NUMB: variants seen among roughly 807,000 people sequenced by gnomAD.
NUMB encodes the protein NUMB endocytic adaptor protein.
A neutral mutation model predicts 59.7 loss-of-function variants in NUMB; 29 were observed. The ratio of observed to expected loss-of-function variants is 0.49; its 90% CI spans 0.36 to 0.66. NUMB has a LOEUF of 0.66. NUMB is among the 30% of genes least tolerant of loss of function. The pLI is 0.00. For missense variants in NUMB, 723 were observed against 822.0 expected (o/e 0.88, Z 1.47); for synonymous variants, 288 against 288.2 (o/e 1.00, Z 0.01).
intron 6 of NUMB, among the ~76,000 whole-genome samples, chr14:73,314,075 A>G (rs746691273): frequency 1.3e-5 from 2 of 152,238 alleles, no homozygotes; most frequent in Non-Finnish European, 2.9e-5. Flanking sequence ...ACTAATAAAA[A>G]GTAATTGATT....
At chr14:73,431,612 G>A (rs1472213729) in intron 1 of NUMB, among the ~76,000 whole-genome samples, 1 of 151,886 alleles carries the variant, frequency 6.6e-6, no homozygotes, top group East Asian at 2.0e-4. Context: ...AGGCGGGCAT[G>A]GTGGCATGTG....
intron 1 of NUMB, among the ~76,000 whole-genome samples, chr14:73,448,484 C>A (rs200126080): frequency 2.6e-5 from 4 of 152,130 alleles, no homozygotes; most frequent in East Asian, 3.8e-4. Flanking sequence ...AGCCACCACA[C>A]CAGGCCAGAT....
chr14:73,352,459 T>TACACAC (rs60134093), intron 4 of NUMB, among the ~76,000 whole-genome samples: 403 of 19,418 alleles, frequency 0.021, 26 homozygotes, highest in Non-Finnish European at 0.028. Context: ...CACACACACA[T>TACACAC]ACACACACAC....
chr14:73,350,227 G>A (rs987883063), intron 4 of NUMB, among the ~76,000 whole-genome samples: 2 of 146,062 alleles, frequency 1.4e-5, no homozygotes, highest in African/African-American at 2.6e-5. Flanking sequence ...AGGCTGGGGT[G>A]CAGTGGCGTG....
At chr14:73,317,938 T>C (rs1891176613) in intron 5 of NUMB, among the ~76,000 whole-genome samples, 1 of 152,238 alleles carries the variant, frequency 6.6e-6, no homozygotes, top group African/African-American at 2.4e-5. Context: ...ATTCATAAAC[T>C]ATTCAGTGCT....
At chr14:73,365,357 T>C (rs1441109159) in intron 3 of NUMB, among the ~76,000 whole-genome samples, 1 of 152,012 alleles carries the variant, frequency 6.6e-6, no homozygotes, top group East Asian at 1.9e-4. Context: ...TTTTTCTTTA[T>C]GGAAAAAAGA....
intron 3 of NUMB, among the ~76,000 whole-genome samples, chr14:73,365,054 T>A (rs1894273472): frequency 1.3e-5 from 2 of 152,160 alleles, no homozygotes; most frequent in South Asian, 4.1e-4. Flanking sequence ...CTCTTCTTTT[T>A]TCTTTAAGAC....
chr14:73,429,392 C>A (rs568782245), intron 1 of NUMB, among the ~76,000 whole-genome samples: 11 of 152,054 alleles, frequency 7.2e-5, no homozygotes, highest in African/African-American at 2.7e-4. Flanking sequence ...AATAAATTTT[C>A]TTTCCCTATA....
intron 2 of NUMB, chr14:73,409,645 G>A (rs932722985): frequency 6.6e-6 from 1 of 152,156 alleles, no homozygotes. Flanking sequence ...GAGGTACTTT[G>A]TTACACAGCA....
intron 8 of NUMB, among the ~76,000 whole-genome samples, chr14:73,290,510 A>G (rs2139825706): frequency 6.6e-6 from 1 of 152,372 alleles, no homozygotes; most frequent in Middle Eastern, 3.4e-3. Flanking sequence ...TCAGAGCCTG[A>G]GCTCTTAGCA....
At chr14:73,290,007 C>G (rs1307450528) in intron 8 of NUMB, among the ~76,000 whole-genome samples, 1 of 152,196 alleles carries the variant, frequency 6.6e-6, no homozygotes, top group African/African-American at 2.4e-5. Context: ...ATGAAAAACG[C>G]TGGAGATGGG....
intron 7 of NUMB, among the ~76,000 whole-genome samples, chr14:73,294,734 G>A (rs1006956656): frequency 6.8e-6 from 1 of 147,436 alleles, no homozygotes; most frequent in Non-Finnish European, 1.5e-5. Context: ...GGCCAGGATG[G>A]TCTCAAACTA....
chr14:73,417,130 C>G (rs970277598), intron 1 of NUMB, among the ~76,000 whole-genome samples: 5 of 151,954 alleles, frequency 3.3e-5, no homozygotes, highest in Admixed American at 6.6e-5. Context: ...GCTTCCCCAT[C>G]ATCCTGCTGA....
At chr14:73,372,305 TTATA>T (rs3028704) in intron 2 of NUMB, among the ~76,000 whole-genome samples, 2,059 of 85,948 alleles carry the variant, frequency 0.024, 58 homozygotes, top group Admixed American at 0.063. Context: ...TATATTTCTT[TTATA>T]TATATATATA....
Position 73,372,307 on chromosome 14 carries a change from A to ATATATATATATATATATATATTTCTTT in NUMB, c.-100-5327_-100-5326insAAAGAAATATATATATATATATATATA, listed in dbSNP as rs1566766384. ...GTTGGAATATATATATATTTCTTTT[A>ATATATATATATATATATATATTTCTTT]TATATATATATATATATATATATAT... On this transcript the variant is annotated intron_variant, in intron 2 of 12. Coordinates refer to ENST00000555238, the MANE Select transcript of NUMB (RefSeq NM_001005743.2). Among the ~76,000 whole-genome samples, 14 of 64,038 alleles carry ATATATATATATATATATATATTTCTTT rather than the reference A, an allele frequency of 2.2e-4. No homozygotes were observed. In the South Asian group the frequency reaches 3.7e-3, roughly 17 times the overall value. 42.0% of individuals were successfully genotyped at this position (64,038 alleles called of 152,430 possible).
At chr14:73,449,217 A>G (rs1286656776) in intron 1 of NUMB, among the ~76,000 whole-genome samples, 6 of 152,184 alleles carry the variant, frequency 3.9e-5, no homozygotes, top group African/African-American at 1.2e-4. Context: ...AATTCAAAGT[A>G]TACGGGAGAA....
At chr14:73,364,252 T>C (rs555986526) in intron 3 of NUMB, among the ~76,000 whole-genome samples, 120 of 152,240 alleles carry the variant, frequency 7.9e-4, no homozygotes, top group African/African-American at 2.1e-3. Context: ...TGTGCCACCG[T>C]GCTGAGGTGG....
At chr14:73,418,125 A>G (rs1897208495) in intron 1 of NUMB, among the ~76,000 whole-genome samples, 1 of 152,148 alleles carries the variant, frequency 6.6e-6, no homozygotes, top group Admixed American at 6.6e-5. Flanking sequence ...AATGTAGTCT[A>G]TACATAAAAT....
At chr14:73,391,384 A>G (rs1160962309) in intron 2 of NUMB, among the ~76,000 whole-genome samples, 2 of 151,762 alleles carry the variant, frequency 1.3e-5, no homozygotes, top group African/African-American at 4.8e-5. Context: ...AATCATTTCT[A>G]TCACATGGGA....
Sources: gnomAD v4.1 joint callset for allele counts (sites outside exome capture counted in the v4.1 genomes callset) on GRCh38, gnomAD v4.1.1 for gene constraint, MANE v1.5 for transcripts, NCBI Gene and HGNC (gene_info 2026-07-23, HGNC 2026-07-21) for gene names.